AUTS2: variants seen among roughly 807,000 people sequenced by gnomAD.
The protein encoded by AUTS2 is autism susceptibility gene 2 protein.
Under a neutral mutation model 112.4 loss-of-function variants are expected in AUTS2, and 17 were observed. That is an observed-to-expected ratio of 0.15 (90% CI 0.10 to 0.23). The LOEUF (loss-of-function observed/expected upper bound fraction) is 0.23, where lower values mean the gene tolerates loss of function less well. Ranked by LOEUF, AUTS2 falls within the 10% of genes least tolerant of loss-of-function variation. AUTS2 has a pLI of 1.00. For synonymous variants in AUTS2, 751 were observed against 702.7 expected (o/e 1.07, Z -1.09); for missense variants, 1,510 against 1,701.6 (o/e 0.89, Z 1.98).
At chr7:69,801,022 T>A (rs1167998660) in intron 1 of AUTS2, among the ~76,000 whole-genome samples, 3 of 152,120 alleles carry the variant, frequency 2.0e-5, no homozygotes, top group Non-Finnish European at 4.4e-5. Context: ...TCATTTCCCC[T>A]AGAATAACTT....
At chr7:70,277,675 A>G (rs1678947398) in intron 4 of AUTS2, among the ~76,000 whole-genome samples, 1 of 152,174 alleles carries the variant, frequency 6.6e-6, no homozygotes, top group South Asian at 2.1e-4. Flanking sequence ...TAAAGTAAGT[A>G]TCTTAAAGTC....
chr7:69,720,797 C>A (rs1005166516), intron 1 of AUTS2, among the ~76,000 whole-genome samples: 2 of 152,078 alleles, frequency 1.3e-5, no homozygotes, highest in Non-Finnish European at 2.9e-5. Flanking sequence ...GGCTGCCCAA[C>A]GTATTTCAGG....
At chr7:69,951,689 T>A (rs1797033407) in intron 2 of AUTS2, among the ~76,000 whole-genome samples, 2 of 152,174 alleles carry the variant, frequency 1.3e-5, no homozygotes. Flanking sequence ...GATTCCAAGA[T>A]GGCAGCTGGG....
intron 2 of AUTS2, among the ~76,000 whole-genome samples, chr7:69,907,158 G>T (rs889105244): frequency 6.6e-6 from 1 of 152,168 alleles, no homozygotes; most frequent in Non-Finnish European, 1.5e-5. Context: ...CAACCTAGGG[G>T]AATGCTTGGC....
intron 4 of AUTS2, among the ~76,000 whole-genome samples, chr7:70,408,753 G>T (rs922042371): frequency 6.6e-6 from 1 of 152,204 alleles, no homozygotes; most frequent in South Asian, 2.1e-4. Context: ...TAGGAGCTGT[G>T]TACTATTGAG....
intron 4 of AUTS2, among the ~76,000 whole-genome samples, chr7:70,276,006 ATGTC>A (rs1787910187): frequency 6.6e-6 from 1 of 152,196 alleles, no homozygotes. Context: ...GGCAATTAGT[ATGTC>A]TGTCCTCCTC....
chr7:70,334,205 G>A (rs1790885700), intron 4 of AUTS2, among the ~76,000 whole-genome samples: 1 of 152,102 alleles, frequency 6.6e-6, no homozygotes, highest in Non-Finnish European at 1.5e-5. Context: ...TTTCCACTGA[G>A]TACAATGTTA....
chr7:70,621,481 G>A (rs1251929402), intron 5 of AUTS2, among the ~76,000 whole-genome samples: 1 of 152,180 alleles, frequency 6.6e-6, no homozygotes, highest in Non-Finnish European at 1.5e-5. Flanking sequence ...CGCCTCATGT[G>A]TAGGTTTCTC....
At chr7:70,780,421 GT>G (rs367964386) in intron 14 of AUTS2, among the ~76,000 whole-genome samples, 31 of 145,544 alleles carry the variant, frequency 2.1e-4, no homozygotes, top group Non-Finnish European at 2.9e-4. Flanking sequence ...ACAAGAGTTT[GT>G]TTTTTTTTTT....
At chr7:69,619,833 T>G (rs1793575023) in intron 1 of AUTS2, among the ~76,000 whole-genome samples, 1 of 151,758 alleles carries the variant, frequency 6.6e-6, no homozygotes, top group African/African-American at 2.4e-5. Context: ...GGTGGGTGAG[T>G]GGGTGGTGTT....
At chr7:70,302,791 AC>A (rs1789279515) in intron 4 of AUTS2, among the ~76,000 whole-genome samples, 1 of 151,530 alleles carries the variant, frequency 6.6e-6, no homozygotes, top group Admixed American at 6.6e-5. Flanking sequence ...TCTGCTGCCC[AC>A]CTTTTACTGC....
chr7:70,172,939 A>G (rs1808778740), intron 4 of AUTS2, among the ~76,000 whole-genome samples: 2 of 152,240 alleles, frequency 1.3e-5, no homozygotes, highest in Non-Finnish European at 2.9e-5. Context: ...GCTGCAAAGT[A>G]TATGCGATTA....
intron 2 of AUTS2, among the ~76,000 whole-genome samples, chr7:70,081,908 G>GA (rs1803334250): frequency 6.6e-6 from 1 of 151,494 alleles, no homozygotes; most frequent in South Asian, 2.1e-4. Context: ...TTTTAGGAAA[G>GA]AAAAAACGGT....
At chr7:70,663,515 G>T (rs1226680946) in intron 5 of AUTS2, among the ~76,000 whole-genome samples, 1 of 152,106 alleles carries the variant, frequency 6.6e-6, no homozygotes, top group Non-Finnish European at 1.5e-5. Flanking sequence ...TATGGATCTT[G>T]CTGGTTGGCC....
chr7:69,754,032 G>T (rs1476153382), intron 1 of AUTS2, among the ~76,000 whole-genome samples: 3 of 152,224 alleles, frequency 2.0e-5, no homozygotes, highest in Non-Finnish European at 4.4e-5. Flanking sequence ...TGACCTTTAT[G>T]AAGGCAGAGC....
rs1793222481 is a variant in AUTS2, at chr7:69,614,353, TTTCTTTCTTTCTTTTTTTAAGAG to T, written c.309+14392_309+14414del. On this transcript the variant is annotated intron_variant, in intron 1 of 18. Transcript: ENST00000342771. The stretch of plus-strand genomic sequence containing the variant: ...CTTTCTTTCTTTCTTTCTTTCTTTC[TTTCTTTCTTTCTTTTTTTAAGAG>T]ATGGGATCTCACTCTGTTTCCCAGG... 2.5e-5 allele frequency among the ~76,000 whole-genome samples: 2 copies of T among 80,888 alleles called. 1 individual carries two copies. The highest frequency in any genetic ancestry group is 5.6e-5 in the Non-Finnish European group (2 of 35,724). 53.1% of individuals were successfully genotyped at this position (80,888 alleles called of 152,430 possible).
intron 5 of AUTS2, among the ~76,000 whole-genome samples, chr7:70,637,356 T>G (rs901078719): frequency 1.1e-4 from 16 of 152,206 alleles, no homozygotes; most frequent in African/African-American, 3.9e-4. Flanking sequence ...CCATAGTACG[T>G]TGCGTATATA....
intron 5 of AUTS2, among the ~76,000 whole-genome samples, chr7:70,612,108 G>A (rs1804124649): frequency 6.6e-6 from 1 of 152,144 alleles, no homozygotes; most frequent in African/African-American, 2.4e-5. Flanking sequence ...GGGAACAAAT[G>A]ACCCCAGATT....
At chr7:70,034,549 T>G (rs1188130643) in intron 2 of AUTS2, among the ~76,000 whole-genome samples, 2 of 152,244 alleles carry the variant, frequency 1.3e-5, no homozygotes, top group African/African-American at 4.8e-5. Context: ...ATAAGAACTT[T>G]TGCATTAATA....
Sources: gnomAD v4.1 joint callset for allele counts (sites outside exome capture counted in the v4.1 genomes callset) on GRCh38, gnomAD v4.1.1 for gene constraint, MANE v1.5 for transcripts, NCBI Gene and HGNC (gene_info 2026-07-23, HGNC 2026-07-21) for gene names.